The following TTLL6 variants were observed in gnomAD, a reference collection of about 807,000 sequenced individuals.
TTLL6 encodes tubulin polyglutamylase TTLL6.
Under a neutral mutation model 96.4 loss-of-function variants are expected in TTLL6, and 75 were observed. The ratio of observed to expected loss-of-function variants is 0.78; its 90% CI spans 0.65 to 0.94. TTLL6 has a LOEUF of 0.94. Ranked by LOEUF, TTLL6 falls within the 40% of genes least tolerant of loss-of-function variation. The pLI is 0.00. For synonymous variants in TTLL6, 411 were observed against 419.4 expected (o/e 0.98, Z 0.24); for missense variants, 1,030 against 1,093.0 (o/e 0.94, Z 0.81).
At chr17:48,802,124 AAGAAAGAAAGAAAG>A (rs2039435519) in intron 3 of TTLL6, among the ~76,000 whole-genome samples, 1 of 146,708 alleles carries the variant, frequency 6.8e-6, no homozygotes, top group Non-Finnish European at 1.5e-5. Flanking sequence ...GAAAGAAAGA[AAGAAAGAAAGAAAG>A]AAAGAAAGAA....
At position 48,791,489 on chromosome 17, in the gene TTLL6, G is replaced by C; in HGVS notation, c.1113C>G (p.Ile371Met). ...IKTLISAHPI[I>M]RHNYHTCFPN... is the part of the protein sequence containing the mutation. ...GGAAGCAGGTGTGGTAGTTATGCCTGATGATGGGGTGGGCCGAGATGAGGG... is the reference window on the plus strand; with the variant it reads ...GGAAGCAGGTGTGGTAGTTATGCCTCATGATGGGGTGGGCCGAGATGAGGG... The change falls in exon 9 of 16, where the codon ATC (isoleucine) becomes ATG (methionine). Residue 371 changes from isoleucine to methionine, a missense_variant. Physicochemically the swap from Ile to Met is conservative, Grantham distance 10. Coordinates refer to ENST00000393382, the MANE Select transcript of TTLL6 (RefSeq NM_001130918.3). The C allele has an allele frequency of 6.2e-7, 1 of 1,614,224 alleles. No individual in the cohort carries two copies. The highest frequency in any genetic ancestry group is 8.5e-7 in the Non-Finnish European group (1 of 1,180,032).
chr17:48,796,227 C>T (rs1032328877), intron 7 of TTLL6, 81 bp from the exon 8 acceptor site: 161 of 1,149,638 alleles, frequency 1.4e-4, no homozygotes, highest in Admixed American at 8.9e-4. Flanking sequence ...CCCATGGCCC[C>T]TGGGGCTTGA....
intron 15 of TTLL6, 77 bp from the exon 16 acceptor site, chr17:48,763,050 C>T (rs904970368): frequency 2.5e-6 from 1 of 399,198 alleles, no homozygotes; most frequent in Admixed American, 3.1e-5. Flanking sequence ...AACTCATCAT[C>T]ACCATTCCTA....
intron 1 of TTLL6, among the ~76,000 whole-genome samples, chr17:48,811,053 T>C (rs617471): frequency 0.15 from 21,793 of 145,548 alleles, 2,610 homozygotes; most frequent in East Asian, 0.69. Flanking sequence ...CAGTTATCCT[T>C]ATATTATTAT....
At chr17:48,816,930 T>C (rs1356984177) in intron 1 of TTLL6, 40 bp downstream of exon 1, 3 of 1,435,792 alleles carry the variant, frequency 2.1e-6, no homozygotes, top group Non-Finnish European at 2.8e-6. Flanking sequence ...ACCAGGAGGC[T>C]GCGGTCTGGA....
intron 11 of TTLL6, among the ~76,000 whole-genome samples, chr17:48,787,578 T>C (rs1597979542): frequency 6.6e-6 from 1 of 152,134 alleles, no homozygotes; most frequent in South Asian, 2.1e-4. Flanking sequence ...TGTTGTTTTG[T>C]AGAGATGGGG....
intron 3 of TTLL6, among the ~76,000 whole-genome samples, chr17:48,803,266 G>A (rs954781390): frequency 5.9e-5 from 9 of 152,058 alleles, no homozygotes; most frequent in Non-Finnish European, 8.8e-5. Flanking sequence ...AGGCCGAGGC[G>A]GGTGGATCAC....
intron 13 of TTLL6, among the ~76,000 whole-genome samples, chr17:48,772,978 T>C (rs1295069101): frequency 1.2e-5 from 1 of 86,362 alleles, no homozygotes; most frequent in East Asian, 2.5e-4. Context: ...CACTCCAGCC[T>C]GGGTGACAGA....
chr17:48,791,584 C>T lies in TTLL6; in HGVS notation c.1018G>A (p.Ala340Thr), dbSNP rs201968232. The T allele has an allele frequency of 1.9e-6, 3 of 1,612,032 alleles. No individual in the cohort carries two copies. The highest frequency in any genetic ancestry group is 1.3e-5 in the African/African-American group (1 of 74,876). ...GSKRKLSTFS[A>T]YLEDHSYNVE... Reference sequence around the variant, plus strand: ...TTGTAGCTGTGGTCCTCCAAGTATGCACTGAAGGTGGAGAGCTTCCTGGAA... The same window carrying T: ...TTGTAGCTGTGGTCCTCCAAGTATGTACTGAAGGTGGAGAGCTTCCTGGAA... The change falls in exon 9 of 16, where the codon GCA (alanine) becomes ACA (threonine). Residue 340 changes from alanine to threonine, a missense_variant. Transcript: ENST00000393382.
In TTLL6 at chr17:48,797,049, T is replaced by C. The variant is rs2039328569; in HGVS notation, c.912+12A>G. The C allele has an allele frequency of 6.5e-7, 1 of 1,550,082 alleles. No homozygotes were observed. Among genetic ancestry groups the C allele is most frequent in the Non-Finnish European group, 8.7e-7 (1 of 1,146,244 alleles). ...TGGGGGTAGGGTGAGGTAGTGTGTC[T>C]CCTTAGCTCACCAGGTTGTCTGTGC... On this transcript the variant is annotated intron_variant, in intron 7 of 15. Transcript: ENST00000393382.
intron 15 of TTLL6, among the ~76,000 whole-genome samples, chr17:48,764,981 A>G (rs545672749): frequency 3.9e-5 from 6 of 152,294 alleles, no homozygotes; most frequent in Non-Finnish European, 7.3e-5. Flanking sequence ...CATTTAACAG[A>G]CAGATAGTAT....
chr17:48,766,708 AC>A (rs1039526555), intron 15 of TTLL6, among the ~76,000 whole-genome samples: 51 of 152,312 alleles, frequency 3.3e-4, no homozygotes, highest in Admixed American at 2.9e-3. Context: ...TACTAGAAAT[AC>A]AAAAATTGTC....
chr17:48,776,585 A>C (rs2038876284), intron 13 of TTLL6, among the ~76,000 whole-genome samples: 1 of 152,250 alleles, frequency 6.6e-6, no homozygotes, highest in African/African-American at 2.4e-5. Flanking sequence ...CAAACAACAA[A>C]TACTTAGGAA....
chr17:48,816,944 A>T, intron 1 of TTLL6, 26 bp downstream of exon 1: 1 of 1,494,912 alleles, frequency 6.7e-7, no homozygotes, highest in East Asian at 2.6e-5. Flanking sequence ...GTCTGGAGCC[A>T]GCACCGGGCT....
At chr17:48,800,056 T>C (rs1021639029) in intron 5 of TTLL6, 1 of 301,116 alleles carries the variant, frequency 3.3e-6, no homozygotes. Flanking sequence ...ACAGTGAGGA[T>C]AATAACGACA....
At position 48,787,932 on chromosome 17, in the gene TTLL6, A is replaced by G; in HGVS notation, c.1468T>C (p.Cys490Arg). 6.2e-7 allele frequency: 1 copy of G among 1,614,112 alleles called. No individual in the cohort carries two copies. ...KKTETYEKEN[C>R]GGFRLIYPSL... Reference sequence around the variant, plus strand: ...GGATAAATCAGTCGGAACCCTCCACAGTTTTCCTTCTCATACGTTTCAGTT... The same window carrying G: ...GGATAAATCAGTCGGAACCCTCCACGGTTTTCCTTCTCATACGTTTCAGTT... Residue 490 changes from cysteine (C) to arginine (R), a missense_variant, in exon 11 of 16, where the codon TGT (cysteine) becomes CGT (arginine). Transcript: ENST00000393382.
intron 15 of TTLL6, among the ~76,000 whole-genome samples, chr17:48,764,128 C>T (rs2038546003): frequency 6.6e-6 from 1 of 151,844 alleles, no homozygotes; most frequent in East Asian, 1.9e-4. Context: ...ACAGTGAGAA[C>T]CTGACTCAAA....
chr17:48,786,890 G>A (rs1478549515), intron 11 of TTLL6, among the ~76,000 whole-genome samples: 1 of 143,666 alleles, frequency 7.0e-6, no homozygotes, highest in Non-Finnish European at 1.5e-5. Context: ...CTGGAGTGCA[G>A]TGGCACAATC....
At chr17:48,776,475 A>C (rs1318888390) in intron 13 of TTLL6, among the ~76,000 whole-genome samples, 1 of 152,176 alleles carries the variant, frequency 6.6e-6, no homozygotes, top group African/African-American at 2.4e-5. Flanking sequence ...AAGAAATTTA[A>C]GTCTCAAAAT....
Sources: allele counts gnomAD v4.1 joint callset (sites outside exome capture counted in the v4.1 genomes callset), GRCh38; gene constraint gnomAD v4.1.1; transcripts MANE v1.5; gene names NCBI Gene and HGNC (gene_info 2026-07-23, HGNC 2026-07-21).